The following PRR16 variants were observed in gnomAD, a reference collection of about 807,000 sequenced individuals.
PRR16 encodes proline rich 16.
Under a neutral mutation model 18.2 loss-of-function variants are expected in PRR16, and 6 were observed. The ratio of observed to expected loss-of-function variants is 0.33; its 90% CI spans 0.18 to 0.65. The LOEUF (loss-of-function observed/expected upper bound fraction) is 0.65. PRR16 is among the 30% of genes least tolerant of loss of function. The pLI, the probability that PRR16 is intolerant of heterozygous loss-of-function variation, is 0.74. For missense variants in PRR16, 412 were observed against 376.6 expected, an observed-to-expected ratio of 1.09 and a Z score of -0.78; for synonymous variants, 151 against 147.8, an observed-to-expected ratio of 1.02 and a Z score of -0.16.
intron 1 of PRR16, chr5:120,658,101 A>G (rs1756047057): frequency 6.6e-6 from 1 of 151,840 alleles, no homozygotes; most frequent in African/African-American, 2.4e-5. Context: ...TGAAAATGAA[A>G]TATTAGTAGA....
chr5:120,674,334 T>G (rs1756722494), intron 1 of PRR16, among the ~76,000 whole-genome samples: 1 of 152,218 alleles, frequency 6.6e-6, no homozygotes, highest in South Asian at 2.1e-4. Flanking sequence ...GATTCCATTT[T>G]TATTGTGCCA....
the PRR16 span, among the ~76,000 whole-genome samples, chr5:120,729,178 A>G: frequency 6.6e-6 from 1 of 152,126 alleles, no homozygotes; most frequent in Non-Finnish European, 1.5e-5. Flanking sequence ...AAATGTGAAC[A>G]TGTGAATTGA....
chr5:120,789,100 T>C, the PRR16 span, among the ~76,000 whole-genome samples: 1 of 152,004 alleles, frequency 6.6e-6, no homozygotes, highest in African/African-American at 2.4e-5. Context: ...CAGATGGACT[T>C]TAAGATTAAA....
chr5:120,773,162 A>C, the PRR16 span, among the ~76,000 whole-genome samples: 86 of 152,198 alleles, frequency 5.7e-4, no homozygotes, highest in African/African-American at 2.0e-3. Context: ...ACTCTTACCC[A>C]GTGTCAGTTA....
At chr5:120,593,332 C>T (rs1005765176) in intron 1 of PRR16, among the ~76,000 whole-genome samples, 1 of 151,798 alleles carries the variant, frequency 6.6e-6, no homozygotes, top group East Asian at 1.9e-4. Context: ...ACCGCTGACC[C>T]CAAAGAGATA....
chr5:120,525,534 A>C (rs2112658533), intron 1 of PRR16, among the ~76,000 whole-genome samples: 1 of 152,034 alleles, frequency 6.6e-6, no homozygotes, highest in South Asian at 2.1e-4. Flanking sequence ...GATCAGTTCC[A>C]CAGACTACTA....
At chr5:120,789,686 ATAAGGGAAGAT>A in the PRR16 span, among the ~76,000 whole-genome samples, 1 of 152,138 alleles carries the variant, frequency 6.6e-6, no homozygotes, top group African/African-American at 2.4e-5. Flanking sequence ...ACTGTTAGGA[ATAAGGGAAGAT>A]CTTTTAATTT....
downstream of PRR16, among the ~76,000 whole-genome samples, chr5:120,687,793 C>T (rs115955058): frequency 0.015 from 2,274 of 152,300 alleles, 52 homozygotes; most frequent in African/African-American, 0.051. Flanking sequence ...GAGAAGAAAT[C>T]TTTCCTTCTA....
At chr5:120,512,196 A>C (rs541381613) in intron 1 of PRR16, among the ~76,000 whole-genome samples, 2 of 90,444 alleles carry the variant, frequency 2.2e-5, no homozygotes, top group African/African-American at 6.3e-5. Flanking sequence ...CCAGATACAG[A>C]GATAGCATTC....
the PRR16 span, among the ~76,000 whole-genome samples, chr5:120,779,277 G>A: frequency 1.3e-5 from 2 of 152,132 alleles, no homozygotes. Context: ...GGAAAACAGG[G>A]ATTTAGGATG....
chr5:120,760,600 G>A, the PRR16 span, among the ~76,000 whole-genome samples: 1 of 151,688 alleles, frequency 6.6e-6, no homozygotes, highest in Non-Finnish European at 1.5e-5. Flanking sequence ...TACCTCTAAA[G>A]CCAAAGCATG....
At chr5:120,604,226 T>C (rs924883222) in intron 1 of PRR16, among the ~76,000 whole-genome samples, 2 of 152,154 alleles carry the variant, frequency 1.3e-5, no homozygotes, top group Non-Finnish European at 2.9e-5. Context: ...TTCATGAGTC[T>C]AGGTACTCCT....
In PRR16 at chr5:120,679,071, C is replaced by T. The variant is rs113018214; in HGVS notation, c.160-6883C>T. 7.1e-3 allele frequency among the ~76,000 whole-genome samples: 1,083 copies of T among 152,112 alleles called. 3 individuals are homozygous for T. Among genetic ancestry groups the T allele is most frequent in the Non-Finnish European group, 0.013 (865 of 67,982 alleles). Reference sequence around the variant, plus strand: ...ATATTTATCACTATTTTTAATTATTCCACAGTCTACTATAGCTTCCTTGTA... The same window carrying T: ...ATATTTATCACTATTTTTAATTATTTCACAGTCTACTATAGCTTCCTTGTA... On this transcript the variant is annotated intron_variant, in intron 1 of 1. Coordinates refer to ENST00000407149, the MANE Select transcript of PRR16 (RefSeq NM_001300783.2).
At chr5:120,618,430 G>A (rs1356070620) in intron 1 of PRR16, 1 of 951,910 alleles carries the variant, frequency 1.1e-6, no homozygotes, top group Admixed American at 6.2e-5. Flanking sequence ...TAATTATACT[G>A]TTTTTTAACA....
rs531416470 is a variant in PRR16 at position 120,476,379 on chromosome 5, T to TA, written c.159+11735dup. Among the ~76,000 whole-genome samples, 64 of 152,178 alleles carry TA rather than the reference T, an allele frequency of 4.2e-4. 1 individual carries two copies. Among genetic ancestry groups the TA allele is most frequent in the Non-Finnish European group, 7.5e-4 (51 of 68,026 alleles). ...TACCCAACTTGATATCTGTGCTCCT[T>TA]ATGTTTATAATCATTACCCCACTAT... On this transcript the variant is annotated intron_variant, in intron 1 of 1. Coordinates refer to ENST00000407149, the MANE Select transcript of PRR16 (RefSeq NM_001300783.2).
At position 120,471,280 on chromosome 5, in the gene PRR16, T is replaced by C. The variant is rs569220260; in HGVS notation, c.159+6635T>C. 2.0e-5 allele frequency among the ~76,000 whole-genome samples: 3 copies of C among 152,310 alleles called. 1 individual carries two copies. Among genetic ancestry groups the C allele is most frequent in the South Asian group, 4.1e-4 (2 of 4,832 alleles). On this transcript the variant is annotated intron_variant, in intron 1 of 1. Coordinates refer to ENST00000407149, the MANE Select transcript of PRR16 (RefSeq NM_001300783.2). ...TGTTGATAAGAATATTACATAGATT[T>C]TTAATATTCTGGCTGAGAAAATAAA...
chr5:120,668,522 G>A (rs1283241298), intron 1 of PRR16, among the ~76,000 whole-genome samples: 9 of 152,112 alleles, frequency 5.9e-5, no homozygotes, highest in South Asian at 2.1e-4. Flanking sequence ...TATTTTGCTC[G>A]TTAGTTGATG....
chr5:120,636,297 C>A (rs574240535), intron 1 of PRR16, among the ~76,000 whole-genome samples: 1 of 152,032 alleles, frequency 6.6e-6, no homozygotes, highest in Non-Finnish European at 1.5e-5. Flanking sequence ...CACATGGAAC[C>A]ACAAAAGAGC....
the PRR16 span, among the ~76,000 whole-genome samples, chr5:120,695,893 A>G: frequency 6.7e-6 from 1 of 149,842 alleles, no homozygotes; most frequent in Non-Finnish European, 1.5e-5. Context: ...ATCTTATCAT[A>G]ACTTGTAAAA....
Sources: gnomAD v4.1 joint callset for allele counts (sites outside exome capture counted in the v4.1 genomes callset) on GRCh38, gnomAD v4.1.1 for gene constraint, MANE v1.5 for transcripts, NCBI Gene and HGNC (gene_info 2026-07-23, HGNC 2026-07-21) for gene names.